The following BCOR variants were observed in gnomAD, a reference collection of about 807,000 sequenced individuals.
The protein encoded by BCOR is BCL-6 corepressor.
BCOR carries 10 observed loss-of-function variants against 86.7 expected under a neutral mutation model. That is an observed-to-expected ratio of 0.12 (90% confidence interval 0.07 to 0.20). The LOEUF is 0.20. Among genes scored for constraint, BCOR ranks in the 10% least tolerant of loss-of-function variants. The probability of loss-of-function intolerance (pLI) is 1.00; values close to 1 mark genes in which losing one functional copy is unlikely to be tolerated. For synonymous variants in BCOR, 611 were observed against 609.0 expected, an observed-to-expected ratio of 1.00 and a Z score of -0.05; for missense variants, 1,259 against 1,452.1, an observed-to-expected ratio of 0.87 and a Z score of 2.16.
chrX:40,084,298 G>C (rs762173019), intron 1 of BCOR, among the ~76,000 whole-genome samples: 110 of 112,108 alleles, frequency 9.8e-4, no homozygotes, highest in African/African-American at 3.5e-3. Flanking sequence ...GGCCAACGGG[G>C]GACACTTGCC....
At chrX:40,159,541 G>A (rs1171858698) in intron 1 of BCOR, among the ~76,000 whole-genome samples, 4 of 109,266 alleles carry the variant, frequency 3.7e-5, no homozygotes, top group East Asian at 2.9e-4. Flanking sequence ...TAGTAGAGAC[G>A]GGGTTTCACC....
At chrX:40,057,373 T>C in intron 10 of BCOR, 52 bp from the exon 11 acceptor site, 1 of 1,132,935 alleles carries the variant, frequency 8.8e-7, no homozygotes, top group Non-Finnish European at 1.2e-6. Context: ...AATGACCTTG[T>C]AAGGTGGACC....
At position 40,062,827 on chromosome X, in the gene BCOR, T is replaced by A; in HGVS notation, c.4092A>T (p.Lys1364Asn). The A allele has an allele frequency of 8.3e-7, 1 of 1,211,694 alleles. No individual in the cohort carries two copies. The highest frequency in any genetic ancestry group is 1.1e-6 in the Non-Finnish European group (1 of 895,462). Residue 1364 changes from lysine to asparagine, a missense_variant, in exon 9 of 15, where the codon AAA becomes AAT. Coordinates refer to ENST00000378444, the MANE Select transcript of BCOR (RefSeq NM_001123385.2). ...SEKPSGKRLC[K>N]TKHLIPQESR... ...ACTCCTGAGGGATCAAGTGTTTGGT[T>A]TTGCACAGTCTCTTCCCGGATGGCT...
At chrX:40,063,167 A>C in intron 8 of BCOR, 96 bp from the exon 9 acceptor site, 2 of 618,942 alleles carry the variant, frequency 3.2e-6, no homozygotes, top group Non-Finnish European at 5.0e-6. Context: ...AGAAAAGCCC[A>C]TTGTTAACAC....
chrX:40,087,469 T>C (rs1391326210), intron 1 of BCOR, among the ~76,000 whole-genome samples: 1 of 112,574 alleles, frequency 8.9e-6, no homozygotes, highest in Non-Finnish European at 1.9e-5. Context: ...AGCAGACAAA[T>C]ACTTATTCTT....
chrX:40,108,878 G>A (rs1296584640), intron 1 of BCOR, among the ~76,000 whole-genome samples: 1 of 113,277 alleles, frequency 8.8e-6, no homozygotes, highest in African/African-American at 3.2e-5. Context: ...GGTTCGCTCT[G>A]GCTCCTCGGC....
At chrX:40,069,548 T>G (rs1935369527) in intron 6 of BCOR, among the ~76,000 whole-genome samples, 1 of 112,527 alleles carries the variant, frequency 8.9e-6, no homozygotes, top group African/African-American at 3.2e-5. Flanking sequence ...GCTAAGTTCC[T>G]GTCCCTTCCT....
chrX:40,162,351 C>G (rs763116553), intron 1 of BCOR, among the ~76,000 whole-genome samples: 4 of 111,887 alleles, frequency 3.6e-5, no homozygotes, highest in African/African-American at 1.3e-4. Context: ...TTTCAAGGGC[C>G]ATCCCCTGAA....
intron 5 of BCOR, among the ~76,000 whole-genome samples, chrX:40,071,394 G>A (rs1935471716): frequency 9.0e-6 from 1 of 111,724 alleles, no homozygotes; most frequent in Non-Finnish European, 1.9e-5. Flanking sequence ...ATATATATGC[G>A]ATGTGTATGT....
chrX:40,108,160 G>A (rs755333897), intron 1 of BCOR, among the ~76,000 whole-genome samples: 1 of 112,545 alleles, frequency 8.9e-6, no homozygotes, highest in Admixed American at 9.3e-5. Context: ...CGGCCTAATC[G>A]CCAGCTGCCA....
At chrX:40,057,983 A>G (rs763672315) in intron 10 of BCOR, among the ~76,000 whole-genome samples, 1 of 111,858 alleles carries the variant, frequency 8.9e-6, no homozygotes, top group South Asian at 3.8e-4. Flanking sequence ...AACGCTTCCA[A>G]TAACCCTACC....
chrX:40,065,803 A>AT (rs1238591510), intron 6 of BCOR, among the ~76,000 whole-genome samples: 1 of 110,583 alleles, frequency 9.0e-6, no homozygotes, highest in African/African-American at 3.3e-5. Context: ...ACACAAGTCA[A>AT]TTTCTAGATG....
At position 40,073,918 on chromosome X, in the gene BCOR, C is replaced by G. The variant is rs1339881271; in HGVS notation, c.1428G>C (p.Val476=). The G allele has an allele frequency of 8.2e-7, 1 of 1,212,307 alleles. No individual in the cohort carries two copies. The highest frequency in any genetic ancestry group is 2.2e-5 in the Admixed American group (1 of 46,143). ...CTTTCGGAATCTCACTTCCGGAGAG[C>G]ACTAAGCCACTTCCAGCCCTGCTGT... The part of the protein sequence containing the change: ...LVHSRAGSGL[V]LSGSEIPKET... The change falls in exon 4 of 15, where the codon GTG becomes GTC. Residue 476 remains valine, a synonymous_variant. Coordinates refer to ENST00000378444, the MANE Select transcript of BCOR (RefSeq NM_001123385.2).
At position 40,077,201 on chromosome X, in the gene BCOR, G is replaced by A. The variant is rs764914774; in HGVS notation, c.86+643C>T. On this transcript the variant is annotated intron_variant, in intron 2 of 14. Transcript: ENST00000378444. ...GGCTGCCCTGGGACTTGTTATCAGA[G>A]AGCATCGATAAAGAAAGTGCTTGGT... 2.8e-5 allele frequency: 4 copies of A among 143,031 alleles called. No individual in the cohort carries two copies. In the South Asian group the frequency reaches 6.5e-4, roughly 23 times the overall value. The allele number at this position is 143,031 out of a possible 1,213,427, so 11.8% of individuals were successfully genotyped here.
At chrX:40,054,137 C>A in intron 13 of BCOR, 95 bp from the exon 14 acceptor site, 1 of 1,119,876 alleles carries the variant, frequency 8.9e-7, no homozygotes, top group Non-Finnish European at 1.2e-6. Context: ...TAACAAGATT[C>A]TTTCCCAAGT....
chrX:40,072,690 C>G lies in BCOR; in HGVS notation c.2656G>C (p.Gly886Arg). The G allele has an allele frequency of 8.3e-7, 1 of 1,212,036 alleles. No homozygotes were observed. Among genetic ancestry groups the G allele is most frequent in the Non-Finnish European group, 1.1e-6 (1 of 895,590 alleles). ...AACCCTAGGTTCTCTTTGTTGGTAC[C>G]TGCCAGAACACTGTCCTTGCTTACG... ...FTVSKDSVLA[G>R]TNKENLGLPV... Residue 886 changes from glycine (G) to arginine (R), a missense_variant, in exon 4 of 15, where the codon GGT becomes CGT. Transcript: ENST00000378444.
At chrX:40,104,074 C>T (rs1937123761) in intron 1 of BCOR, among the ~76,000 whole-genome samples, 1 of 111,400 alleles carries the variant, frequency 9.0e-6, no homozygotes, top group Admixed American at 9.5e-5. Flanking sequence ...GGCTTTCTCG[C>T]GGGGGGCAGG....
At position 40,073,174 on chromosome X, in the gene BCOR, C is replaced by G; in HGVS notation, c.2172G>C (p.Met724Ile). Residue 724 changes from methionine to isoleucine, a missense_variant, in exon 4 of 15, where the codon ATG becomes ATC. Transcript: ENST00000378444. ...VTYQDALGLGMVHPMLIPHTP... is the reference protein window; with the variant it reads ...VTYQDALGLGIVHPMLIPHTP... ...TGTGTGGTATCAACATGGGATGCAC[C>G]ATGCCCAACCCCAGGGCATCTTGGT... The G allele has an allele frequency of 1.7e-6, 2 of 1,212,083 alleles. No homozygotes were observed. Among genetic ancestry groups the G allele is most frequent in the Non-Finnish European group, 2.2e-6 (2 of 895,546 alleles).
intron 1 of BCOR, among the ~76,000 whole-genome samples, chrX:40,133,501 C>A (rs1334209010): frequency 5.5e-5 from 6 of 108,126 alleles, no homozygotes; most frequent in African/African-American, 3.4e-5. Flanking sequence ...GCTCTGTCGC[C>A]CAGGCTGGAG....
Sources: gnomAD v4.1 joint callset for allele counts (sites outside exome capture counted in the v4.1 genomes callset) on GRCh38, gnomAD v4.1.1 for gene constraint, MANE v1.5 for transcripts, NCBI Gene and HGNC (gene_info 2026-07-23, HGNC 2026-07-21) for gene names.